Variants in GPC5 observed in about 807,000 individuals in gnomAD.
GPC5 encodes the protein glypican-5.
Under a neutral mutation model 53.9 loss-of-function variants are expected in GPC5, and 47 were observed. That is an observed-to-expected ratio of 0.87 (90% CI 0.69 to 1.11). The LOEUF (loss-of-function observed/expected upper bound fraction) is 1.11. Among genes scored for constraint, GPC5 ranks in the 50% most tolerant of loss-of-function variants. GPC5 has a pLI of 0.00. For missense variants in GPC5, 748 were observed against 713.1 expected (o/e 1.05, Z -0.56); for synonymous variants, 286 against 263.3 (o/e 1.09, Z -0.84).
At position 91,536,116 on chromosome 13, in the gene GPC5, G is replaced by A. The variant is rs9589282; in HGVS notation, c.325+87194G>A. 6.1e-3 allele frequency among the ~76,000 whole-genome samples: 935 copies of A among 152,108 alleles called. 10 individuals carry two copies. The highest frequency in any genetic ancestry group is 0.022 in the African/African-American group (911 of 41,472). On this transcript the variant is annotated intron_variant, in intron 2 of 7. Transcript: ENST00000377067. Reference sequence around the variant, plus strand: ...TCACCTTTTTATACTATTACCAAAAGGTGCTTTGATAAATTTGTTTTGCAT... The same window carrying A: ...TCACCTTTTTATACTATTACCAAAAAGTGCTTTGATAAATTTGTTTTGCAT...
rs77562941 is a variant in GPC5, at chr13:92,156,480, T to C, written c.1561+11491T>C. On this transcript the variant is annotated intron_variant, in intron 7 of 7. Transcript: ENST00000377067. Reference sequence around the variant, plus strand: ...CTTCCCTCTGTTTCTTCTGCACACATGCTGATAGTGTGTAGATTGACCATT... The same window carrying C: ...CTTCCCTCTGTTTCTTCTGCACACACGCTGATAGTGTGTAGATTGACCATT... Among the ~76,000 whole-genome samples the C allele has an allele frequency of 5.2e-3, 790 of 152,290 alleles. 10 individuals are homozygous for C. The highest frequency in any genetic ancestry group is 0.018 in the African/African-American group (753 of 41,568).
intron 5 of GPC5, among the ~76,000 whole-genome samples, chr13:91,832,372 G>A (rs550015354): frequency 1.4e-5 from 2 of 142,610 alleles, no homozygotes; most frequent in East Asian, 4.1e-4. Context: ...GAGCCTATGT[G>A]TGTTTTTGCA....
chr13:92,026,216 T>C (rs1461709689), intron 6 of GPC5, among the ~76,000 whole-genome samples: 2 of 152,118 alleles, frequency 1.3e-5, no homozygotes, highest in African/African-American at 2.4e-5. Context: ...TTTATTCAGA[T>C]ATTTTATTCA....
chr13:92,755,476 A>C (rs1379985372), intron 7 of GPC5, among the ~76,000 whole-genome samples: 2 of 151,862 alleles, frequency 1.3e-5, no homozygotes, highest in African/African-American at 4.8e-5. Flanking sequence ...AAATAACTAA[A>C]ATCAGAGCAG....
At chr13:92,238,504 G>C (rs1378646468) in intron 7 of GPC5, among the ~76,000 whole-genome samples, 3 of 152,030 alleles carry the variant, frequency 2.0e-5, no homozygotes, top group Admixed American at 1.3e-4. Flanking sequence ...CTCTTCATTA[G>C]AGAAATGTCT....
intron 5 of GPC5, among the ~76,000 whole-genome samples, chr13:91,798,012 C>T (rs2038074280): frequency 6.6e-6 from 1 of 152,078 alleles, no homozygotes; most frequent in African/African-American, 2.4e-5. Flanking sequence ...TCTTGCTTTT[C>T]TAAGTAACTG....
At chr13:91,570,537 T>A (rs559156574) in intron 2 of GPC5, among the ~76,000 whole-genome samples, 64 of 152,344 alleles carry the variant, frequency 4.2e-4, no homozygotes, top group African/African-American at 1.5e-3. Context: ...TGGGTGCCTA[T>A]GATTATGTTA....
chr13:91,528,042 C>G (rs993354111), intron 2 of GPC5, among the ~76,000 whole-genome samples: 1 of 152,000 alleles, frequency 6.6e-6, no homozygotes, highest in Non-Finnish European at 1.5e-5. Flanking sequence ...CTCTGAAGTT[C>G]CCTGAAGACA....
intron 7 of GPC5, among the ~76,000 whole-genome samples, chr13:92,581,489 A>G (rs1883366802): frequency 6.6e-6 from 1 of 152,176 alleles, no homozygotes; most frequent in South Asian, 2.1e-4. Context: ...ACATAGGGTG[A>G]TTCCATATTT....
chr13:91,703,100 A>T (rs1315197947), intron 3 of GPC5, among the ~76,000 whole-genome samples: 1 of 152,078 alleles, frequency 6.6e-6, no homozygotes, highest in African/African-American at 2.4e-5. Context: ...GTTTTCTGTA[A>T]ATAAGATCAT....
intron 7 of GPC5, among the ~76,000 whole-genome samples, chr13:92,488,742 C>A (rs942182033): frequency 2.0e-5 from 3 of 152,282 alleles, no homozygotes; most frequent in Non-Finnish European, 2.9e-5. Context: ...TTCTTGCAGG[C>A]ATTGCATTTC....
At chr13:91,683,642 C>T (rs1389707012) in intron 2 of GPC5, among the ~76,000 whole-genome samples, 2 of 152,290 alleles carry the variant, frequency 1.3e-5, no homozygotes, top group East Asian at 3.9e-4. Flanking sequence ...CTTCACTTGA[C>T]ATTATTCTTG....
In GPC5 at chr13:92,393,343, C is replaced by A. The variant is rs571200877; in HGVS notation, c.1561+248354C>A. 4.6e-5 allele frequency among the ~76,000 whole-genome samples: 7 copies of A among 152,194 alleles called. No individual in the cohort carries two copies. The South Asian group carries it at 1.5e-3, about 32-fold the overall frequency. On this transcript the variant is annotated intron_variant, in intron 7 of 7. Coordinates refer to ENST00000377067, the MANE Select transcript of GPC5 (RefSeq NM_004466.6). ...ACATGTTCTCACTTATAAATGGGAG[C>A]TAAATAATACGAACTTATGAACACA...
intron 7 of GPC5, among the ~76,000 whole-genome samples, chr13:92,255,658 G>A (rs1379828429): frequency 2.0e-5 from 3 of 152,060 alleles, no homozygotes; most frequent in Admixed American, 6.6e-5. Flanking sequence ...ATCACTGCTA[G>A]TCTGGATTTC....
chr13:92,339,034 A>G (rs1296642300), intron 7 of GPC5, among the ~76,000 whole-genome samples: 4 of 152,000 alleles, frequency 2.6e-5, no homozygotes. Flanking sequence ...TTTTGCTGTA[A>G]CCTAAAACTA....
chr13:92,386,243 G>A (rs1566568585), intron 7 of GPC5, among the ~76,000 whole-genome samples: 1 of 151,952 alleles, frequency 6.6e-6, no homozygotes, highest in Non-Finnish European at 1.5e-5. Context: ...TGTTCTTAAA[G>A]TATAATATGA....
chr13:91,677,926 G>T (rs1419926186), intron 2 of GPC5, among the ~76,000 whole-genome samples: 2 of 152,160 alleles, frequency 1.3e-5, no homozygotes, highest in Non-Finnish European at 2.9e-5. Context: ...AGTATTTTCT[G>T]ATAAGAGCTA....
chr13:91,879,409 A>T (rs1165778657), intron 5 of GPC5, among the ~76,000 whole-genome samples: 2 of 152,218 alleles, frequency 1.3e-5, no homozygotes, highest in African/African-American at 2.4e-5. Context: ...GCTGTACCAG[A>T]ATACCATAGA....
At chr13:92,062,210 A>G (rs2041130091) in intron 6 of GPC5, among the ~76,000 whole-genome samples, 1 of 151,926 alleles carries the variant, frequency 6.6e-6, no homozygotes, top group Admixed American at 6.6e-5. Flanking sequence ...ATTAGCTAAT[A>G]ACTACTGATT....
Sources: gnomAD v4.1 joint callset for allele counts (sites outside exome capture counted in the v4.1 genomes callset) on GRCh38, gnomAD v4.1.1 for gene constraint, MANE v1.5 for transcripts, NCBI Gene and HGNC (gene_info 2026-07-23, HGNC 2026-07-21) for gene names.